The following RBM6 variants were observed in gnomAD, a reference collection of about 807,000 sequenced individuals.
RBM6 encodes RNA-binding protein 6.
Under a neutral mutation model 140.4 loss-of-function variants are expected in RBM6, and 23 were observed. The observed-to-expected ratio is 0.16, with a 90% CI of 0.12 to 0.23. The LOEUF is 0.23. Among genes scored for constraint, RBM6 ranks in the 10% least tolerant of loss-of-function variants. The pLI, the probability that RBM6 is intolerant of heterozygous loss-of-function variation, is 1.00. For synonymous variants in RBM6, 439 were observed against 475.6 expected (o/e 0.92, Z 1.00); for missense variants, 1,139 against 1,386.7 (o/e 0.82, Z 2.84).
intron 6 of RBM6, among the ~76,000 whole-genome samples, chr3:50,012,971 G>A (rs1392995614): frequency 1.3e-5 from 2 of 149,716 alleles, no homozygotes; most frequent in African/African-American, 2.5e-5. Flanking sequence ...TTGAACTCCC[G>A]ACCTCAGGTG....
intron 8 of RBM6, among the ~76,000 whole-genome samples, chr3:50,055,186 G>T (rs2089652012): frequency 6.6e-6 from 1 of 152,192 alleles, no homozygotes; most frequent in African/African-American, 2.4e-5. Flanking sequence ...CCAGCACTTT[G>T]GGAGGCCAAG....
Position 50,060,977 on chromosome 3 carries a change from T to C in RBM6, c.2250T>C (p.Ser750=). The change falls in exon 12 of 21, where the codon TCT becomes TCC. Residue 750 remains serine (S), a synonymous_variant. Coordinates refer to ENST00000266022, the MANE Select transcript of RBM6 (RefSeq NM_005777.3). The part of the protein sequence containing the change: ...GKRRNDSGDH[S]DHMHYYQGKK... ...GCAGAAATGATTCTGGGGACCATTC[T>C]GACCACATGCATTACTATCAGGTAG... The C allele has an allele frequency of 6.3e-7, 1 of 1,584,156 alleles. No individual in the cohort carries two copies. The highest frequency in any genetic ancestry group is 1.2e-5 in the South Asian group (1 of 85,360).
chr3:49,992,370 A>C (rs1350589973), intron 5 of RBM6, among the ~76,000 whole-genome samples: 1 of 152,178 alleles, frequency 6.6e-6, no homozygotes, highest in Admixed American at 6.5e-5. Context: ...TAGCCATGTA[A>C]TCTATGGAGG....
intron 6 of RBM6, among the ~76,000 whole-genome samples, chr3:50,042,202 G>A (rs1326570104): frequency 6.6e-6 from 1 of 152,202 alleles, no homozygotes; most frequent in Non-Finnish European, 1.5e-5. Context: ...ACAAAACAAT[G>A]AAGAGTAATT....
intron 5 of RBM6, among the ~76,000 whole-genome samples, chr3:49,994,441 G>C (rs2085976176): frequency 6.6e-6 from 1 of 152,074 alleles, no homozygotes; most frequent in South Asian, 2.1e-4. Flanking sequence ...TATTCCCACT[G>C]ACAGGAATTC....
intron 6 of RBM6, among the ~76,000 whole-genome samples, chr3:50,015,220 G>C (rs1413616600): frequency 6.6e-6 from 1 of 150,872 alleles, no homozygotes; most frequent in Non-Finnish European, 1.5e-5. Context: ...TGGTTGTCCT[G>C]CTTCAGCCTC....
At chr3:50,069,048 G>C (rs1456092134) in intron 18 of RBM6, among the ~76,000 whole-genome samples, 2 of 152,184 alleles carry the variant, frequency 1.3e-5, no homozygotes, top group Non-Finnish European at 2.9e-5. Context: ...AATTAGTTGA[G>C]TTAATGAACA....
intron 6 of RBM6, among the ~76,000 whole-genome samples, chr3:50,010,900 CAAAAAAAAA>C (rs776065398): frequency 1.3e-4 from 7 of 52,236 alleles, no homozygotes; most frequent in East Asian, 6.7e-4. Context: ...AAGACTGTCT[CAAAAAAAAA>C]AAAAAAAAAA....
chr3:50,059,399 A>G lies in RBM6; in HGVS notation c.2131-250A>G, dbSNP rs1305143353. 1.0e-5 allele frequency: 3 copies of G among 291,300 alleles called. No individual in the cohort carries two copies. The East Asian group carries it at 1.8e-4, about 17-fold the overall frequency. 18.0% of individuals were successfully genotyped at this position (291,300 alleles called of 1,614,324 possible). Reference sequence around the variant, plus strand: ...GATGATAATTGCAACCTAAAAGAAGAGGATTTGAATTTCTGAAGTTTATGC... The same window carrying G: ...GATGATAATTGCAACCTAAAAGAAGGGGATTTGAATTTCTGAAGTTTATGC... On this transcript the variant is annotated intron_variant, in intron 10 of 20. Coordinates refer to ENST00000266022, the MANE Select transcript of RBM6 (RefSeq NM_005777.3).
intron 6 of RBM6, among the ~76,000 whole-genome samples, chr3:50,011,721 A>C (rs2086859631): frequency 6.6e-6 from 1 of 152,174 alleles, no homozygotes; most frequent in Non-Finnish European, 1.5e-5. Context: ...TTATTGACAT[A>C]AATTATATAT....
rs2090266860 is a variant in RBM6, at chr3:50,070,488, G to C, written c.3052G>C (p.Glu1018Gln). 1 of 1,613,966 alleles carries C rather than the reference G, an allele frequency of 6.2e-7. No homozygotes were observed. The change falls in exon 19 of 21, where the codon GAA becomes CAA. Residue 1018 changes from glutamate (E) to glutamine (Q), a missense_variant. Physicochemically the swap from Glu to Gln is conservative, Grantham distance 29 (BLOSUM62 2). This residue lies in a region of RBM6 where 125 missense variants were observed against 142.0 expected (regional missense o/e 0.88). Coordinates refer to ENST00000266022, the MANE Select transcript of RBM6 (RefSeq NM_005777.3). ...TAAAGGAAGAGGAAATGATCGCAGG[G>C]AAAAGCTCCAGTCTTTTGACTCTCC... ...KFKGRGNDRR[E>Q]KLQSFDSPER...
intron 1 of RBM6, among the ~76,000 whole-genome samples, chr3:49,956,241 C>G (rs1184043552): frequency 1.3e-5 from 2 of 149,110 alleles, no homozygotes; most frequent in Non-Finnish European, 3.0e-5. Flanking sequence ...CCAGGCTGGT[C>G]TCAAACTGGG....
chr3:50,030,468 C>A (rs915316355), intron 6 of RBM6, among the ~76,000 whole-genome samples: 1 of 151,948 alleles, frequency 6.6e-6, no homozygotes, highest in African/African-American at 2.4e-5. Context: ...TTTCTTATAC[C>A]TTTTGTTCCA....
intron 5 of RBM6, among the ~76,000 whole-genome samples, chr3:49,985,385 A>T (rs1296866574): frequency 6.6e-6 from 1 of 152,166 alleles, no homozygotes; most frequent in African/African-American, 2.4e-5. Flanking sequence ...AGAACATCTG[A>T]TGCGACCTAT....
intron 1 of RBM6, among the ~76,000 whole-genome samples, chr3:49,951,599 C>G (rs2083732727): frequency 6.6e-6 from 1 of 151,606 alleles, no homozygotes; most frequent in African/African-American, 2.4e-5. Context: ...GAGATGAAGT[C>G]TCACTCTGTT....
chr3:50,041,240 C>G (rs1249973466), intron 6 of RBM6, among the ~76,000 whole-genome samples: 2 of 152,178 alleles, frequency 1.3e-5, no homozygotes, highest in Non-Finnish European at 2.9e-5. Context: ...TGTGTTTTCA[C>G]TGGAAGTCCC....
chr3:50,009,757 A>G (rs962593370), intron 6 of RBM6, among the ~76,000 whole-genome samples: 3 of 151,728 alleles, frequency 2.0e-5, no homozygotes, highest in African/African-American at 7.3e-5. Flanking sequence ...TACAGATGAG[A>G]TCTCACTGTG....
chr3:50,015,606 AT>A (rs1360848880), intron 6 of RBM6, among the ~76,000 whole-genome samples: 2 of 144,994 alleles, frequency 1.4e-5, no homozygotes, highest in Admixed American at 1.4e-4. Flanking sequence ...AATTTTTTGA[AT>A]TTTTTTAGTA....
At chr3:50,045,361 A>C (rs993403098) in intron 6 of RBM6, among the ~76,000 whole-genome samples, 1 of 152,212 alleles carries the variant, frequency 6.6e-6, no homozygotes, top group Admixed American at 6.6e-5. Flanking sequence ...CTCTAACAGC[A>C]GTATCTCCCT....
Sources: allele counts gnomAD v4.1 joint callset (sites outside exome capture counted in the v4.1 genomes callset), GRCh38; gene constraint gnomAD v4.1.1; regional missense constraint gnomAD v4.1.1; transcripts MANE v1.5; gene names NCBI Gene and HGNC (gene_info 2026-07-23, HGNC 2026-07-21).